The following PCDHA7 variants were observed in gnomAD, a reference collection of about 807,000 sequenced individuals.
The protein encoded by PCDHA7 is protocadherin alpha 7.
PCDHA7 carries 37 observed loss-of-function variants against 57.2 expected under a neutral mutation model. The observed-to-expected ratio is 0.65, with a 90% confidence interval of 0.50 to 0.85. PCDHA7 has a LOEUF of 0.85. PCDHA7 is among the 40% of genes least tolerant of loss of function. The probability of loss-of-function intolerance (pLI) is 0.00; values close to 1 mark genes in which losing one functional copy is unlikely to be tolerated. For missense variants in PCDHA7, 1,188 were observed against 1,241.8 expected, an observed-to-expected ratio of 0.96 and a Z score of 0.65; for synonymous variants, 553 against 558.8, an observed-to-expected ratio of 0.99 and a Z score of 0.15.
chr5:140,921,283 C>T (rs1484079224), intron 1 of PCDHA7, among the ~76,000 whole-genome samples: 2 of 151,974 alleles, frequency 1.3e-5, no homozygotes, highest in Non-Finnish European at 2.9e-5. Flanking sequence ...TTGAAAAAAA[C>T]CTCAAATTTG....
intron 1 of PCDHA7, among the ~76,000 whole-genome samples, chr5:140,951,382 G>A (rs246042): frequency 0.56 from 85,615 of 151,810 alleles, 24,753 homozygotes; most frequent in African/African-American, 0.69. Context: ...CCCAAGACTC[G>A]GTAATTTATA....
intron 1 of PCDHA7, among the ~76,000 whole-genome samples, chr5:140,976,876 G>A (rs1166300025): frequency 6.6e-6 from 1 of 152,160 alleles, no homozygotes; most frequent in Non-Finnish European, 1.5e-5. Flanking sequence ...GACAAAGAAA[G>A]AATTAGGATA....
chr5:140,978,702 T>G (rs1200035752), intron 1 of PCDHA7, among the ~76,000 whole-genome samples: 2 of 152,252 alleles, frequency 1.3e-5, no homozygotes, highest in Non-Finnish European at 2.9e-5. Context: ...AAGCCAAAGG[T>G]GGCCTTTACA....
chr5:140,981,582 A>C (rs2096939117), intron 2 of PCDHA7, among the ~76,000 whole-genome samples: 1 of 152,182 alleles, frequency 6.6e-6, no homozygotes, highest in African/African-American at 2.4e-5. Flanking sequence ...TCAAAAATAA[A>C]TAAAATAAAA....
At position 140,836,297 on chromosome 5, in the gene PCDHA7, T is replaced by G. The variant is rs2150257087; in HGVS notation, c.1914T>G (p.Asp638Glu). ...AGATCAGCACGACACGAGCCCTAGA[T>G]GAGACGGACGCACCGCGCCACCGCC... ...TGEISTTRAL[D>E]ETDAPRHRLL... The change falls in exon 1 of 4, where the codon GAT (aspartate) becomes GAG (glutamate). Residue 638 changes from aspartate (D) to glutamate (E), a missense_variant. Around this residue, in one of 3 missense-constraint regions of PCDHA7, gnomAD observed 892 missense variants for 788.5 expected, o/e 1.13. Transcript: ENST00000525929. The G allele has an allele frequency of 1.2e-6, 2 of 1,613,576 alleles. No homozygotes were observed. The highest frequency in any genetic ancestry group is 1.3e-5 in the African/African-American group (1 of 74,828).
chr5:140,876,194 C>G (rs782432614), intron 1 of PCDHA7: 38 of 1,613,742 alleles, frequency 2.4e-5, no homozygotes, highest in Non-Finnish European at 2.9e-5. Context: ...AATGGTCCGG[C>G]GTTTGATAAG....
At chr5:140,946,801 G>C (rs2094030166) in intron 1 of PCDHA7, among the ~76,000 whole-genome samples, 1 of 151,430 alleles carries the variant, frequency 6.6e-6, no homozygotes, top group African/African-American at 2.4e-5. Flanking sequence ...TAGAAGCAGA[G>C]AGTATAACAG....
intron 1 of PCDHA7, among the ~76,000 whole-genome samples, chr5:140,930,820 A>T (rs2153606213): frequency 6.6e-6 from 1 of 152,346 alleles, no homozygotes; most frequent in East Asian, 1.9e-4. Flanking sequence ...TGCTTAGTAA[A>T]TGCTGACTGA....
chr5:140,899,230 G>A (rs1487839667), intron 1 of PCDHA7, among the ~76,000 whole-genome samples: 4 of 152,058 alleles, frequency 2.6e-5, no homozygotes, highest in Admixed American at 6.5e-5. Flanking sequence ...ACACTATGTT[G>A]AATAGGAGTG....
intron 3 of PCDHA7, among the ~76,000 whole-genome samples, chr5:140,991,199 C>G (rs1554252002): frequency 6.6e-6 from 1 of 152,150 alleles, no homozygotes; most frequent in East Asian, 1.9e-4. Context: ...CAATGATGCT[C>G]AATAAATTTT....
chr5:140,936,868 A>T (rs543976186), intron 1 of PCDHA7, among the ~76,000 whole-genome samples: 3 of 152,270 alleles, frequency 2.0e-5, no homozygotes, highest in South Asian at 2.1e-4. Flanking sequence ...TTTCTATTTT[A>T]AAAAACCCTG....
chr5:140,964,251 T>A (rs2095820730), intron 1 of PCDHA7, among the ~76,000 whole-genome samples: 2 of 152,330 alleles, frequency 1.3e-5, no homozygotes, highest in Non-Finnish European at 1.5e-5. Flanking sequence ...TGGCTTTATA[T>A]TTGACTCCTT....
chr5:140,928,570 C>G, intron 1 of PCDHA7: 1 of 1,614,196 alleles, frequency 6.2e-7, no homozygotes, highest in Non-Finnish European at 8.5e-7. Flanking sequence ...GTTTCCCTTG[C>G]CCAGAAATGG....
At chr5:140,989,530 AG>A (rs1249109717) in intron 3 of PCDHA7, among the ~76,000 whole-genome samples, 1 of 152,200 alleles carries the variant, frequency 6.6e-6, no homozygotes, top group Non-Finnish European at 1.5e-5. Context: ...CAGAGGAGGA[AG>A]ATAGTTTGTA....
intron 1 of PCDHA7, among the ~76,000 whole-genome samples, chr5:140,847,167 A>T (rs1354541358): frequency 6.7e-6 from 1 of 149,596 alleles, no homozygotes; most frequent in Non-Finnish European, 1.5e-5. Flanking sequence ...TGAGTAATAA[A>T]CTAAAGGGCC....
intron 3 of PCDHA7, 32 bp from the exon 4 acceptor site, chr5:141,009,595 C>A (rs781807814): frequency 6.2e-7 from 1 of 1,604,124 alleles, no homozygotes; most frequent in African/African-American, 1.3e-5. Context: ...TGTGTTGACC[C>A]TGTTAATGAT....
At chr5:141,004,378 G>A (rs914260481) in intron 3 of PCDHA7, among the ~76,000 whole-genome samples, 3 of 152,198 alleles carry the variant, frequency 2.0e-5, no homozygotes, top group Admixed American at 6.5e-5. Context: ...TCTGCTCTGC[G>A]GAAGCTGGAC....
At chr5:140,980,347 C>G (rs1329268780) in intron 2 of PCDHA7, among the ~76,000 whole-genome samples, 2 of 152,132 alleles carry the variant, frequency 1.3e-5, no homozygotes, top group African/African-American at 4.8e-5. Context: ...ACATAACTTC[C>G]TGGACTGGGC....
rs139314570 is a variant in PCDHA7, at chr5:140,952,780, A to G, written c.2356-26169A>G. 2.0e-3 allele frequency among the ~76,000 whole-genome samples: 310 copies of G among 152,316 alleles called. 3 individuals are homozygous for G. The highest frequency in any genetic ancestry group is 7.3e-3 in the African/African-American group (302 of 41,572). On this transcript the variant is annotated intron_variant, in intron 1 of 3. Transcript: ENST00000525929. ...CTGAGACTGGATAATTTAGAAAGAA[A>G]AGAGGTTTAACTGGCTCGCAGTTCT... is the stretch of plus-strand genomic sequence containing the variant.
Sources: gnomAD v4.1 joint callset for allele counts (sites outside exome capture counted in the v4.1 genomes callset) on GRCh38, gnomAD v4.1.1 for gene constraint, gnomAD v4.1.1 regional missense constraint, MANE v1.5 for transcripts, NCBI Gene and HGNC (gene_info 2026-07-23, HGNC 2026-07-21) for gene names.